Variants in SAMD12 observed in about 807,000 individuals in gnomAD.
SAMD12 encodes sterile alpha motif domain containing 12.
SAMD12 carries 9 observed loss-of-function variants against 15.0 expected under a neutral mutation model. The ratio of observed to expected loss-of-function variants is 0.60; its 90% CI spans 0.36 to 1.05. SAMD12 has a LOEUF of 1.05. SAMD12 is among the 50% of genes least tolerant of loss of function. The pLI is 0.01. For synonymous variants in SAMD12, 86 were observed against 90.1 expected, an observed-to-expected ratio of 0.96 and a Z score of 0.25; for missense variants, 230 against 234.2, an observed-to-expected ratio of 0.98 and a Z score of 0.12.
intron 2 of SAMD12, among the ~76,000 whole-genome samples, chr8:118,497,923 A>T (rs1488008234): frequency 6.6e-6 from 1 of 152,188 alleles, no homozygotes; most frequent in East Asian, 1.9e-4. Context: ...CAGAGGAGAC[A>T]TCAATTAAAC....
At chr8:118,448,859 A>G (rs1822993624) in intron 2 of SAMD12, among the ~76,000 whole-genome samples, 1 of 152,200 alleles carries the variant, frequency 6.6e-6, no homozygotes, top group Non-Finnish European at 1.5e-5. Context: ...GTATTTCTAA[A>G]TTCACTGCAA....
intron 3 of SAMD12, among the ~76,000 whole-genome samples, chr8:118,434,511 T>C (rs1272877852): frequency 6.6e-6 from 1 of 152,138 alleles, no homozygotes; most frequent in African/African-American, 2.4e-5. Flanking sequence ...CCTTCACAGA[T>C]AGAGGATTTG....
intron 4 of SAMD12, among the ~76,000 whole-genome samples, chr8:118,204,686 G>A (rs1052411323): frequency 2.6e-5 from 4 of 152,044 alleles, no homozygotes; most frequent in Admixed American, 1.3e-4. Flanking sequence ...CCTGGGAGGC[G>A]GGGCTTGCAA....
intron 3 of SAMD12, among the ~76,000 whole-genome samples, chr8:118,389,635 A>G (rs1420888608): frequency 1.3e-5 from 2 of 152,064 alleles, no homozygotes; most frequent in African/African-American, 2.4e-5. Flanking sequence ...GAATCACTTG[A>G]ACCCGGGAGG....
At chr8:118,180,300 A>G in the SAMD12 span, among the ~76,000 whole-genome samples, 3 of 152,212 alleles carry the variant, frequency 2.0e-5, no homozygotes, top group African/African-American at 7.2e-5. Flanking sequence ...TGTGGCACTT[A>G]AGGAATATGG....
chr8:118,295,040 T>C (rs1442112640), intron 4 of SAMD12, among the ~76,000 whole-genome samples: 4 of 151,986 alleles, frequency 2.6e-5, no homozygotes, highest in Non-Finnish European at 5.9e-5. Flanking sequence ...AAAACAAACT[T>C]CTTTTTTTTT....
intron 2 of SAMD12, among the ~76,000 whole-genome samples, chr8:118,482,866 G>A (rs1243002263): frequency 6.6e-6 from 1 of 152,130 alleles, no homozygotes; most frequent in Non-Finnish European, 1.5e-5. Flanking sequence ...GGCCCAGAAA[G>A]GACCTACCTG....
intron 4 of SAMD12, among the ~76,000 whole-genome samples, chr8:118,369,387 C>T (rs1291682045): frequency 2.0e-5 from 3 of 152,104 alleles, no homozygotes; most frequent in Non-Finnish European, 4.4e-5. Context: ...CTCTTCCTTA[C>T]ACTTTATACA....
chr8:118,266,862 C>T (rs1455888399), intron 4 of SAMD12, among the ~76,000 whole-genome samples: 1 of 151,842 alleles, frequency 6.6e-6, no homozygotes, highest in African/African-American at 2.4e-5. Context: ...AGATACTGGT[C>T]AAATGATAAA....
At chr8:118,506,990 T>C (rs1824938348) in intron 2 of SAMD12, among the ~76,000 whole-genome samples, 1 of 152,026 alleles carries the variant, frequency 6.6e-6, no homozygotes, top group African/African-American at 2.4e-5. Flanking sequence ...TCCAAATTAG[T>C]AGAGTGAAAA....
chr8:118,192,900 T>C (rs1819449282), exon 5 of SAMD12: 1 of 152,204 alleles, frequency 6.6e-6, no homozygotes, highest in South Asian at 2.1e-4. Context: ...GAAGAATGCT[T>C]GGAGTGCATC....
At position 118,600,746 on chromosome 8, in the gene SAMD12, T is replaced by A. The variant is rs148587227; in HGVS notation, c.14-19853A>T. Among the ~76,000 whole-genome samples, 328 of 152,264 alleles carry A rather than the reference T, an allele frequency of 2.2e-3. 1 individual carries two copies. Among genetic ancestry groups the A allele is most frequent in the African/African-American group, 6.6e-3 (276 of 41,564 alleles). ...ATTTCCCATCTCAAGAGCCTTGAAG[T>A]CTTATCTTTGTTATGCACATTTCTC... is the stretch of plus-strand genomic sequence containing the variant. On this transcript the variant is annotated intron_variant, in intron 1 of 3. Coordinates refer to ENST00000314727, the MANE Select transcript of SAMD12 (RefSeq NM_207506.3).
At chr8:118,324,531 G>A (rs892270587) in intron 4 of SAMD12, among the ~76,000 whole-genome samples, 5 of 152,074 alleles carry the variant, frequency 3.3e-5, no homozygotes, top group African/African-American at 1.2e-4. Context: ...CAAACAGAAG[G>A]TGAACTATAA....
At chr8:118,462,524 A>T (rs1823454090) in intron 2 of SAMD12, among the ~76,000 whole-genome samples, 2 of 152,116 alleles carry the variant, frequency 1.3e-5, no homozygotes, top group South Asian at 4.1e-4. Flanking sequence ...AATAAGCAGA[A>T]TGTTTGTGTG....
At chr8:118,241,044 A>G (rs1444765048) in intron 4 of SAMD12, among the ~76,000 whole-genome samples, 3 of 152,154 alleles carry the variant, frequency 2.0e-5, no homozygotes, top group African/African-American at 7.2e-5. Context: ...CCCCCAGCTC[A>G]TTAGTGCCAT....
At chr8:118,245,121 T>G (rs183966543) in intron 4 of SAMD12, among the ~76,000 whole-genome samples, 165 of 152,214 alleles carry the variant, frequency 1.1e-3, no homozygotes, top group African/African-American at 3.8e-3. Flanking sequence ...ATCTAGGTCT[T>G]CATCATGACC....
intron 4 of SAMD12, among the ~76,000 whole-genome samples, chr8:118,318,234 C>T (rs1213518294): frequency 1.3e-5 from 2 of 149,678 alleles, no homozygotes; most frequent in African/African-American, 4.9e-5. Context: ...GAAAAAGACA[C>T]GTGCACACAT....
intron 2 of SAMD12, among the ~76,000 whole-genome samples, chr8:118,549,342 G>GA (rs1826245832): frequency 6.6e-6 from 1 of 152,230 alleles, no homozygotes; most frequent in Non-Finnish European, 1.5e-5. Context: ...ACTTCCAGAG[G>GA]AAATATCAGA....
intron 4 of SAMD12, among the ~76,000 whole-genome samples, chr8:118,288,862 T>C (rs549818937): frequency 1.3e-5 from 2 of 152,356 alleles, no homozygotes; most frequent in South Asian, 4.1e-4. Context: ...CAGGGGCACA[T>C]ATATATGATG....
Sources: gnomAD v4.1 joint callset for allele counts (sites outside exome capture counted in the v4.1 genomes callset) on GRCh38, gnomAD v4.1.1 for gene constraint, MANE v1.5 for transcripts, NCBI Gene and HGNC (gene_info 2026-07-23, HGNC 2026-07-21) for gene names.